FSTL5: variants seen among roughly 807,000 people sequenced by gnomAD.
The protein encoded by FSTL5 is follistatin like 5.
In FSTL5, 62 loss-of-function variants were observed where a neutral mutation model predicts 89.1. That is an observed-to-expected ratio of 0.70 (90% CI 0.57 to 0.86). FSTL5 has a LOEUF of 0.86. Ranked by LOEUF, FSTL5 falls within the 40% of genes least tolerant of loss-of-function variation. The pLI, the probability that FSTL5 is intolerant of heterozygous loss-of-function variation, is 0.00. For missense variants in FSTL5, 1,057 were observed against 1,001.6 expected (o/e 1.06, Z -0.75); for synonymous variants, 383 against 346.2 (o/e 1.11, Z -1.18).
intron 3 of FSTL5, among the ~76,000 whole-genome samples, chr4:161,974,173 G>A (rs1387055730): frequency 1.3e-5 from 2 of 152,052 alleles, no homozygotes; most frequent in African/African-American, 4.8e-5. Context: ...CGTGAAAATG[G>A]CCATACTGCC....
At chr4:161,561,320 T>C (rs868456531) in intron 8 of FSTL5, among the ~76,000 whole-genome samples, 169 of 152,130 alleles carry the variant, frequency 1.1e-3, no homozygotes, top group African/African-American at 3.9e-3. Context: ...AAGACTCTTA[T>C]CTTCCTGTCT....
intron 7 of FSTL5, among the ~76,000 whole-genome samples, chr4:161,648,380 AG>A (rs751238587): frequency 4.6e-5 from 7 of 152,198 alleles, no homozygotes; most frequent in Non-Finnish European, 1.0e-4. Context: ...AGGTTTGAGC[AG>A]CGGGGCATGA....
chr4:161,800,919 T>C (rs1484567112), intron 4 of FSTL5, among the ~76,000 whole-genome samples: 1 of 151,588 alleles, frequency 6.6e-6, no homozygotes, highest in Non-Finnish European at 1.5e-5. Flanking sequence ...GTATTTTAAG[T>C]AGTTGACAAG....
chr4:162,136,035 A>T (rs1210855973), intron 1 of FSTL5, among the ~76,000 whole-genome samples: 6 of 152,054 alleles, frequency 3.9e-5, no homozygotes, highest in Non-Finnish European at 2.9e-5. Flanking sequence ...TCCTTTACAG[A>T]TCTTCTCTCC....
chr4:161,842,499 T>C (rs899803450), intron 4 of FSTL5, among the ~76,000 whole-genome samples: 4 of 152,192 alleles, frequency 2.6e-5, no homozygotes, highest in South Asian at 2.1e-4. Flanking sequence ...CCATACATTT[T>C]ATTTCAAGTC....
intron 7 of FSTL5, among the ~76,000 whole-genome samples, chr4:161,588,504 G>GA (rs1006179140): frequency 4.0e-5 from 6 of 151,830 alleles, no homozygotes; most frequent in Admixed American, 2.0e-4. Context: ...AAGAAAGGAA[G>GA]AAAAAAACTT....
At chr4:161,550,548 T>C (rs888370263) in intron 8 of FSTL5, among the ~76,000 whole-genome samples, 22 of 132,598 alleles carry the variant, frequency 1.7e-4, no homozygotes, top group Non-Finnish European at 3.3e-4. Flanking sequence ...ATTTTTTCAG[T>C]AACTTCTTTT....
At chr4:161,891,339 C>T (rs1199102296) in intron 4 of FSTL5, among the ~76,000 whole-genome samples, 2 of 152,066 alleles carry the variant, frequency 1.3e-5, no homozygotes, top group African/African-American at 2.4e-5. Context: ...CAAAAGAAAG[C>T]TCTGTCCTTT....
chr4:162,090,212 C>T (rs1261560439), intron 2 of FSTL5, among the ~76,000 whole-genome samples: 1 of 152,054 alleles, frequency 6.6e-6, no homozygotes, highest in Non-Finnish European at 1.5e-5. Context: ...ATACCAAAAA[C>T]AATCAGAACA....
intron 2 of FSTL5, among the ~76,000 whole-genome samples, chr4:162,089,587 T>C (rs1020408870): frequency 3.2e-4 from 43 of 135,632 alleles, no homozygotes; most frequent in Admixed American, 7.5e-4. Flanking sequence ...GAGCCGAGAT[T>C]AAGCCACTGA....
chr4:161,657,820 G>A (rs62330767), intron 6 of FSTL5, among the ~76,000 whole-genome samples: 32,300 of 152,118 alleles, frequency 0.21, 4,011 homozygotes, highest in Non-Finnish European at 0.26. Flanking sequence ...GTGATCTGTG[G>A]TGTTTTCACC....
intron 10 of FSTL5, among the ~76,000 whole-genome samples, chr4:161,528,464 T>TA (rs1033223571): frequency 2.1e-5 from 3 of 143,208 alleles, no homozygotes; most frequent in African/African-American, 7.5e-5. Flanking sequence ...AGTCAGCCTT[T>TA]ATCAGAATTC....
chr4:161,427,015 G>A (rs1732188329), intron 15 of FSTL5, among the ~76,000 whole-genome samples: 2 of 152,072 alleles, frequency 1.3e-5, no homozygotes, highest in South Asian at 4.1e-4. Flanking sequence ...AGAAAACCAA[G>A]TGTTACTAAT....
chr4:161,947,129 G>GGTGTGTGTGTGTATGT (rs1734757457), intron 3 of FSTL5, among the ~76,000 whole-genome samples: 1 of 133,400 alleles, frequency 7.5e-6, no homozygotes, highest in Non-Finnish European at 1.7e-5. Context: ...ATATTTGTGG[G>GGTGTGTGTGTGTATGT]GTGTGTGTGT....
At chr4:161,957,404 A>T (rs1735054118) in intron 3 of FSTL5, among the ~76,000 whole-genome samples, 1 of 152,066 alleles carries the variant, frequency 6.6e-6, no homozygotes, top group Non-Finnish European at 1.5e-5. Flanking sequence ...TAAGTAGGTA[A>T]TATGTTTTAT....
chr4:161,746,132 G>T (rs1740194590), intron 6 of FSTL5, among the ~76,000 whole-genome samples: 1 of 151,504 alleles, frequency 6.6e-6, no homozygotes, highest in Non-Finnish European at 1.5e-5. Flanking sequence ...AATTTCTGGA[G>T]ATAGTGTGAT....
intron 3 of FSTL5, among the ~76,000 whole-genome samples, chr4:161,927,493 A>C (rs1734159880): frequency 6.6e-6 from 1 of 151,650 alleles, no homozygotes; most frequent in African/African-American, 2.4e-5. Context: ...TCAGTCCAGC[A>C]ATATGGTTAA....
intron 2 of FSTL5, among the ~76,000 whole-genome samples, chr4:162,060,505 A>T (rs1738687562): frequency 6.6e-6 from 1 of 152,022 alleles, no homozygotes; most frequent in Non-Finnish European, 1.5e-5. Flanking sequence ...TTAAAAAACT[A>T]TTATTTACTT....
intron 7 of FSTL5, among the ~76,000 whole-genome samples, chr4:161,598,795 A>G (rs56770626): frequency 0.049 from 7,467 of 152,178 alleles, 594 homozygotes; most frequent in African/African-American, 0.17. Context: ...GAAAATTCTA[A>G]ACTGGACTTC....
Sources: gnomAD v4.1 joint callset for allele counts (sites outside exome capture counted in the v4.1 genomes callset) on GRCh38, gnomAD v4.1.1 for gene constraint, MANE v1.5 for transcripts, NCBI Gene and HGNC (gene_info 2026-07-23, HGNC 2026-07-21) for gene names.